DGKK: variants seen among roughly 807,000 people sequenced by gnomAD.
DGKK encodes the protein 142 kDa diacylglycerol kinase.
In DGKK, 35 loss-of-function variants were observed where a neutral mutation model predicts 92.2. That is an observed-to-expected ratio of 0.38 (90% CI 0.29 to 0.50). The LOEUF is 0.50. DGKK is among the 20% of genes least tolerant of loss of function. The pLI is 0.92. For missense variants in DGKK, 910 were observed against 992.2 expected (o/e 0.92, Z 1.11); for synonymous variants, 368 against 360.6 (o/e 1.02, Z -0.23).
chrX:50,395,698 T>C (rs192052232), intron 8 of DGKK, among the ~76,000 whole-genome samples: 1 of 108,915 alleles, frequency 9.2e-6, no homozygotes, highest in African/African-American at 3.4e-5. Context: ...ATAATTTGGC[T>C]CCTAAAGATG....
At position 50,367,602 on chromosome X, in the gene DGKK, G is replaced by A. The variant is rs1924003786; in HGVS notation, c.*1338C>T. Reference sequence around the variant, plus strand: ...GTCCAGAAGATCAGGCCAAGATGGAGCTTGTGGGGAAGGGCCTAGGCTGTG... The same window carrying A: ...GTCCAGAAGATCAGGCCAAGATGGAACTTGTGGGGAAGGGCCTAGGCTGTG... On this transcript the variant is annotated 3_prime_UTR_variant, in exon 28 of 28. Coordinates refer to ENST00000611977, the MANE Select transcript of DGKK (RefSeq NM_001013742.4). 9.0e-6 allele frequency: 1 copy of A among 111,225 alleles called. No individual in the cohort carries two copies. The highest frequency in any genetic ancestry group is 1.9e-5 in the Non-Finnish European group (1 of 53,036). 9.2% of individuals were successfully genotyped at this position (111,225 alleles called of 1,213,427 possible).
chrX:50,434,905 T>A (rs782657445), intron 1 of DGKK, among the ~76,000 whole-genome samples: 3 of 111,695 alleles, frequency 2.7e-5, no homozygotes, highest in Non-Finnish European at 5.6e-5. Context: ...AGAGATATAT[T>A]CTGAGAAACA....
chrX:50,399,300 G>A (rs980545396), intron 8 of DGKK, among the ~76,000 whole-genome samples: 1 of 111,486 alleles, frequency 9.0e-6, no homozygotes, highest in Non-Finnish European at 1.9e-5. Flanking sequence ...ATACACATGT[G>A]GTATGTCTAG....
intron 1 of DGKK, among the ~76,000 whole-genome samples, chrX:50,451,052 C>T (rs1926483214): frequency 9.0e-6 from 1 of 111,453 alleles, no homozygotes; most frequent in African/African-American, 3.3e-5. Context: ...TCAGTGTTCT[C>T]AGATTCAGAA....
intron 1 of DGKK, among the ~76,000 whole-genome samples, chrX:50,446,567 G>C (rs781820923): frequency 4.5e-5 from 5 of 110,938 alleles, no homozygotes; most frequent in African/African-American, 1.3e-4. Flanking sequence ...TTTTTAATTA[G>C]ATTTTTTGTT....
intron 4 of DGKK, among the ~76,000 whole-genome samples, chrX:50,406,114 T>C (rs1557227247): frequency 1.8e-5 from 2 of 111,888 alleles, no homozygotes; most frequent in East Asian, 5.6e-4. Context: ...CTGTATAGAG[T>C]GACAAGTGAA....
At chrX:50,436,914 T>C (rs1388007387) in intron 1 of DGKK, among the ~76,000 whole-genome samples, 2 of 111,536 alleles carry the variant, frequency 1.8e-5, no homozygotes, top group Admixed American at 9.5e-5. Context: ...AGCCTAGTTT[T>C]ACCTTTCCTG....
chrX:50,447,374 T>G (rs1926364630), intron 1 of DGKK, among the ~76,000 whole-genome samples: 3 of 19,929 alleles, frequency 1.5e-4, no homozygotes, highest in African/African-American at 5.2e-4. Flanking sequence ...ATATATTATA[T>G]ATATATATAA....
chrX:50,370,516 T>C lies in DGKK; in HGVS notation c.3646A>G (p.Arg1216Gly). The C allele has an allele frequency of 8.3e-7, 1 of 1,197,919 alleles. No individual in the cohort carries two copies. Among genetic ancestry groups the C allele is most frequent in the Non-Finnish European group, 1.1e-6 (1 of 887,991 alleles). Residue 1216 changes from arginine (R) to glycine (G), a missense_variant, in exon 27 of 28, where the codon AGG becomes GGG. Coordinates refer to ENST00000611977, the MANE Select transcript of DGKK (RefSeq NM_001013742.4). ...KSSDTDSRSL[R>G]LKIKFPKLGK... Reference sequence around the variant, plus strand: ...AATTTGGGGAACTTAATTTTCAGCCTGAGGCTTCTACTGTCAGTGTCCGAA... The same window carrying C: ...AATTTGGGGAACTTAATTTTCAGCCCGAGGCTTCTACTGTCAGTGTCCGAA...
intron 1 of DGKK, among the ~76,000 whole-genome samples, chrX:50,425,527 A>G: frequency 9.3e-6 from 1 of 107,276 alleles, no homozygotes; most frequent in Non-Finnish European, 1.9e-5. Context: ...TCTCCCAAAT[A>G]CACACACACA....
intron 11 of DGKK, among the ~76,000 whole-genome samples, chrX:50,390,648 A>G (rs1924663149): frequency 1.8e-5 from 2 of 111,380 alleles, no homozygotes; most frequent in Admixed American, 1.9e-4. Flanking sequence ...CAGGGTTCTC[A>G]GAGAGCAGTG....
chrX:50,470,353 G>T lies in DGKK; in HGVS notation c.326C>A (p.Pro109Gln). ...AGGTTCTGGGGCCGGTTCTGGGGCC[G>T]GCTCTGTGGCAGGTTCTGGGGCCGG... ...TEPAPEPATEPAPEPAPEPAT... is the reference protein window; with the variant it reads ...TEPAPEPATEQAPEPAPEPAT... Residue 109 changes from proline to glutamine, a missense_variant, in exon 1 of 28, where the codon CCG becomes CAG. Physicochemically the swap from Pro to Gln is moderately conservative, Grantham distance 76. Coordinates refer to ENST00000611977, the MANE Select transcript of DGKK (RefSeq NM_001013742.4). 2.5e-6 allele frequency: 3 copies of T among 1,208,929 alleles called. No individual in the cohort carries two copies. The South Asian group carries it at 5.3e-5, about 21-fold the overall frequency.
At chrX:50,412,237 G>C (rs1925321861) in intron 4 of DGKK, among the ~76,000 whole-genome samples, 1 of 111,612 alleles carries the variant, frequency 9.0e-6, no homozygotes, top group East Asian at 2.8e-4. Flanking sequence ...AAAATACTTA[G>C]GCGTAAATTT....
At chrX:50,409,575 G>A (rs1358961114) in intron 4 of DGKK, among the ~76,000 whole-genome samples, 2 of 111,778 alleles carry the variant, frequency 1.8e-5, no homozygotes, top group Non-Finnish European at 3.8e-5. Flanking sequence ...CACAAACCAC[G>A]GATCTCTAAA....
rs1569544298 is a variant in DGKK at position 50,388,534 on chromosome X, C to T, written c.2011G>A (p.Ala671Thr). The T allele has an allele frequency of 4.2e-6, 5 of 1,204,375 alleles. No individual in the cohort carries two copies. The highest frequency in any genetic ancestry group is 3.0e-5 in the East Asian group (1 of 33,657). Residue 671 changes from alanine to threonine, a missense_variant, in exon 13 of 28, where the codon GCA (alanine) becomes ACA (threonine). Physicochemically the swap from Ala to Thr is moderately conservative, Grantham distance 58. Coordinates refer to ENST00000611977, the MANE Select transcript of DGKK (RefSeq NM_001013742.4). ...AGCCAAAGGAAGACTGACCTGGTTG[C>T]GATGATCATCTCTGTGGGGTACTTG... ...KAKYPTEMII[A>T]TRFLCSAVED...
In DGKK at chrX:50,370,412, T is replaced by TG; in HGVS notation, c.3736+13dup. 2 of 1,185,493 alleles carry TG rather than the reference T, an allele frequency of 1.7e-6. No individual in the cohort carries two copies. The highest frequency in any genetic ancestry group is 2.3e-6 in the Non-Finnish European group (2 of 881,627). On this transcript the variant is annotated intron_variant, in intron 27 of 27. Coordinates refer to ENST00000611977, the MANE Select transcript of DGKK (RefSeq NM_001013742.4). The stretch of plus-strand genomic sequence containing the variant: ...GAAGTCTTCATGACCCCTCTGCCTG[T>TG]GGGGGAGACTTACCAATAAAACTCT...
intron 1 of DGKK, among the ~76,000 whole-genome samples, chrX:50,435,174 C>T (rs1358538085): frequency 8.9e-6 from 1 of 112,521 alleles, no homozygotes; most frequent in Admixed American, 9.4e-5. Flanking sequence ...GGTCCATCAT[C>T]GACTGAGACA....
chrX:50,407,753 T>C (rs1316830579), intron 4 of DGKK, among the ~76,000 whole-genome samples: 2 of 111,856 alleles, frequency 1.8e-5, no homozygotes, highest in African/African-American at 3.3e-5. Flanking sequence ...AGCCTATCCA[T>C]ATTGCAAAAC....
chrX:50,468,281 C>G (rs889105090), intron 1 of DGKK, among the ~76,000 whole-genome samples: 1 of 111,741 alleles, frequency 8.9e-6, no homozygotes, highest in Non-Finnish European at 1.9e-5. Context: ...CTGGGTATTA[C>G]GTCCCCACGT....
Sources: gnomAD v4.1 joint callset for allele counts (sites outside exome capture counted in the v4.1 genomes callset) on GRCh38, gnomAD v4.1.1 for gene constraint, MANE v1.5 for transcripts, NCBI Gene and HGNC (gene_info 2026-07-23, HGNC 2026-07-21) for gene names.